The following SMARCB1 variants were observed in gnomAD, a reference collection of about 807,000 sequenced individuals.
SMARCB1 encodes the protein SWI/SNF related BAF chromatin remodeling complex subunit B1, also known as SWI/SNF-related matrix-associated actin-dependent regulator of chromatin subfamily B member 1.
Under a neutral mutation model 49.0 loss-of-function variants are expected in SMARCB1, and 5 were observed. That is an observed-to-expected ratio of 0.10 (90% CI 0.05 to 0.21). The LOEUF (loss-of-function observed/expected upper bound fraction) is 0.21, where lower values mean the gene tolerates loss of function less well. SMARCB1 is among the 10% of genes least tolerant of loss of function. SMARCB1 has a pLI of 1.00. For synonymous variants in SMARCB1, 201 were observed against 200.1 expected (o/e 1.00, Z -0.04); for missense variants, 226 against 509.2 (o/e 0.44, Z 5.35).
intron 1 of SMARCB1, among the ~76,000 whole-genome samples, chr22:23,790,519 GA>G (rs1471119043): frequency 6.6e-6 from 1 of 151,742 alleles, no homozygotes. Context: ...AACATAGTGA[GA>G]CTCTTGTCTC....
chr22:23,837,657 ACCCAGCAGGTCCACGAGGATG>A lies in SMARCB1; in HGVS notation c.*3478_*3498del. On this transcript the variant is annotated 3_prime_UTR_variant, in exon 9 of 9. Coordinates refer to ENST00000644036, the MANE Select transcript of SMARCB1 (RefSeq NM_003073.5). ...GCGGACTAGATGTACCGGGAGGCTC[ACCCAGCAGGTCCACGAGGATG>A]GAGTTGCCCAGCAGCAGCGAGAAGC... 1.2e-6 allele frequency: 2 copies of A among 1,611,676 alleles called. No individual in the cohort carries two copies. Among genetic ancestry groups the A allele is most frequent in the Non-Finnish European group, 1.7e-6 (2 of 1,178,514 alleles).
In SMARCB1 at chr22:23,793,682, A is replaced by G. The variant is rs767018537; in HGVS notation, c.356A>G (p.Tyr119Cys). The change falls in exon 3 of 9, where the codon TAC (tyrosine) becomes TGC (cysteine). Residue 119 changes from tyrosine (Y) to cysteine (C), a missense_variant. Transcript: ENST00000644036. ...AVSISTEPPT[Y>C]LREQKAKRNS... ...TCCATCAGCACAGAGCCCCCCACCT[A>G]CCTCAGGTAATGCGTTCCTGGCCAG... 6.2e-7 allele frequency: 1 copy of G among 1,613,352 alleles called. No individual in the cohort carries two copies.
intron 2 of SMARCB1, chr22:23,792,689 T>C (rs1928472391): frequency 1.3e-5 from 2 of 155,210 alleles, no homozygotes; most frequent in South Asian, 4.0e-4. Flanking sequence ...TTTTGTCCAC[T>C]GCGGGAAAGT....
chr22:23,827,783 T>C (rs1287984465), intron 7 of SMARCB1, among the ~76,000 whole-genome samples: 2 of 152,120 alleles, frequency 1.3e-5, no homozygotes, highest in Admixed American at 6.5e-5. Flanking sequence ...GCTGCAAGGA[T>C]AGGACAGGGC....
intron 5 of SMARCB1, among the ~76,000 whole-genome samples, chr22:23,811,952 G>A (rs1490483422): frequency 6.6e-6 from 1 of 152,142 alleles, no homozygotes; most frequent in Non-Finnish European, 1.5e-5. Flanking sequence ...CAAAAAGAAT[G>A]TAAATTATCA....
At chr22:23,822,227 TC>T (rs2030130411) in intron 6 of SMARCB1, among the ~76,000 whole-genome samples, 1 of 152,196 alleles carries the variant, frequency 6.6e-6, no homozygotes. Context: ...TTTGCCCAGT[TC>T]CAGCAGGGGT....
At chr22:23,833,484 C>T in intron 7 of SMARCB1, 88 bp from the exon 8 acceptor site, 4 of 1,567,096 alleles carry the variant, frequency 2.6e-6, no homozygotes, top group Non-Finnish European at 3.5e-6. Context: ...CTGGGAGGAG[C>T]AGGGCACAGA....
chr22:23,817,699 A>C (rs1930279306), intron 6 of SMARCB1: 1 of 152,208 alleles, frequency 6.6e-6, no homozygotes, highest in Non-Finnish European at 1.5e-5. Flanking sequence ...TGCCCCGTGC[A>C]CCAGATGGAG....
intron 1 of SMARCB1, among the ~76,000 whole-genome samples, chr22:23,788,474 C>T (rs769380007): frequency 4.0e-5 from 6 of 150,462 alleles, no homozygotes; most frequent in Non-Finnish European, 5.9e-5. Context: ...GGTGTGATCT[C>T]GGCTCACTGC....
At position 23,836,054 on chromosome 22, in the gene SMARCB1, G is replaced by A. The variant is rs1406537127; in HGVS notation, c.*1874G>A. On this transcript the variant is annotated 3_prime_UTR_variant, in exon 9 of 9. Coordinates refer to ENST00000644036, the MANE Select transcript of SMARCB1 (RefSeq NM_003073.5). ...GGACAGGCTTAGAACAACAAGGAAAGCTGCCAGGTCAGAAGAGAAAAATGA... is the reference window on the plus strand; with the variant it reads ...GGACAGGCTTAGAACAACAAGGAAAACTGCCAGGTCAGAAGAGAAAAATGA... 4.1e-6 allele frequency: 4 copies of A among 985,408 alleles called. No homozygotes were observed. Among genetic ancestry groups the A allele is most frequent in the Admixed American group, 6.1e-5 (1 of 16,272 alleles). 61.0% of individuals were successfully genotyped at this position (985,408 alleles called of 1,614,324 possible). A position where few individuals can be genotyped will look rare whatever the true frequency, so the allele number is the denominator to read the frequency against.
In SMARCB1 at chr22:23,825,162, C is replaced by T. The variant is rs985748293; in HGVS notation, c.796-63C>T. ...GCCCACCCCAGGCCTGGCAGGGCCC[C>T]GCTCCTCGCGGCCTCCCTGGGCTGC... On this transcript the variant is annotated intron_variant, in intron 6 of 8. Coordinates refer to ENST00000644036, the MANE Select transcript of SMARCB1 (RefSeq NM_003073.5). 3.6e-5 allele frequency: 53 copies of T among 1,466,016 alleles called. No individual in the cohort carries two copies. In the Middle Eastern group the frequency reaches 5.2e-4, roughly 14 times the overall value. 90.8% of individuals were successfully genotyped at this position (1,466,016 alleles called of 1,614,324 possible).
At chr22:23,821,427 C>G (rs939382408) in intron 6 of SMARCB1, among the ~76,000 whole-genome samples, 1 of 152,036 alleles carries the variant, frequency 6.6e-6, no homozygotes, top group Middle Eastern at 3.2e-3. Context: ...TTCTTCCTTC[C>G]TTTTTTTTCA....
rs1366442442 is a variant in SMARCB1, at chr22:23,836,086, GGGGTCGGA to G, written c.*1907_*1914del. The stretch of plus-strand genomic sequence containing the variant: ...GGTCAGAAGAGAAAAATGAGCCACA[GGGGTCGGA>G]TAAGGCTCACACACGTCCTCAGCTA... On this transcript the variant is annotated 3_prime_UTR_variant, in exon 9 of 9. Transcript: ENST00000644036. 4 of 985,270 alleles carry G rather than the reference GGGGTCGGA, an allele frequency of 4.1e-6. No homozygotes were observed. 61.0% of individuals were successfully genotyped at this position (985,270 alleles called of 1,614,324 possible).
At position 23,834,313 on chromosome 22, in the gene SMARCB1, G is replaced by A; in HGVS notation, c.*133G>A. 2.0e-6 allele frequency: 2 copies of A among 983,324 alleles called. No homozygotes were observed. Among genetic ancestry groups the A allele is most frequent in the Non-Finnish European group, 3.1e-6 (2 of 641,110 alleles). 60.9% of individuals were successfully genotyped at this position (983,324 alleles called of 1,614,324 possible). ...AGGATCGGGTGGGGGTGGAGTGGGG[G>A]CTTCCAGGTGGCCCTTCCCGGCACA... On this transcript the variant is annotated 3_prime_UTR_variant, in exon 9 of 9. Coordinates refer to ENST00000644036, the MANE Select transcript of SMARCB1 (RefSeq NM_003073.5).
rs1044462830 is a variant in SMARCB1, at chr22:23,834,612, A to C, written c.*432A>C. 1.4e-6 allele frequency: 1 copy of C among 733,166 alleles called. No homozygotes were observed. Among genetic ancestry groups the C allele is most frequent in the African/African-American group, 1.8e-5 (1 of 56,788 alleles). The allele number at this position is 733,166 out of a possible 1,614,324, so 45.4% of individuals were successfully genotyped here. ...GGGGGACGAAGGTGGTATGTGAACAAGGTTGGCACACAGGCCTCACCCTCC... is the reference window on the plus strand; with the variant it reads ...GGGGGACGAAGGTGGTATGTGAACACGGTTGGCACACAGGCCTCACCCTCC... On this transcript the variant is annotated 3_prime_UTR_variant, in exon 9 of 9. Coordinates refer to ENST00000644036, the MANE Select transcript of SMARCB1 (RefSeq NM_003073.5).
At chr22:23,805,948 G>A (rs188360374) in intron 5 of SMARCB1, among the ~76,000 whole-genome samples, 2 of 152,186 alleles carry the variant, frequency 1.3e-5, no homozygotes, top group African/African-American at 4.8e-5. Context: ...TTCCAGAAAG[G>A]ATGCAAGGAA....
intron 7 of SMARCB1, among the ~76,000 whole-genome samples, chr22:23,828,766 A>G (rs549439459): frequency 2.0e-5 from 3 of 152,076 alleles, no homozygotes; most frequent in East Asian, 3.9e-4. Flanking sequence ...TGACTTCCAT[A>G]CCCTCCTCGG....
rs5030614 is a variant in SMARCB1, at chr22:23,834,490, GCAACAGGTCATGTTCAATTTCTT to G, written c.*337_*359del. 0.15 allele frequency: 102,567 copies of G among 692,986 alleles called. 8,165 individuals are homozygous for G. Among genetic ancestry groups the G allele is most frequent in the Middle Eastern group, 0.19 (818 of 4,226 alleles). The allele number at this position is 692,986 out of a possible 1,614,324, so 42.9% of individuals were successfully genotyped here. ...GCTAGTAACAGTTTTTAAATAAAAG[GCAACAGGTCATGTTCAATTTCTT>G]CAACAGGTCATGTTCAATTTCTTCA... is the stretch of plus-strand genomic sequence containing the variant. On this transcript the variant is annotated 3_prime_UTR_variant, in exon 9 of 9. Coordinates refer to ENST00000644036, the MANE Select transcript of SMARCB1 (RefSeq NM_003073.5).
At chr22:23,807,457 C>G (rs1929564961) in intron 5 of SMARCB1, among the ~76,000 whole-genome samples, 1 of 152,040 alleles carries the variant, frequency 6.6e-6, no homozygotes, top group African/African-American at 2.4e-5. Context: ...TGCCTGTGAT[C>G]TCAGCTACTT....
Sources: gnomAD v4.1 joint callset for allele counts (sites outside exome capture counted in the v4.1 genomes callset) on GRCh38, gnomAD v4.1.1 for gene constraint, MANE v1.5 for transcripts, NCBI Gene and HGNC (gene_info 2026-07-23, HGNC 2026-07-21) for gene names.